BORCS5: variants seen among roughly 807,000 people sequenced by gnomAD.
The protein encoded by BORCS5 is BLOC-1-related complex subunit 5.
In BORCS5, 17 loss-of-function variants were observed where a neutral mutation model predicts 22.1. That is an observed-to-expected ratio of 0.77 (90% confidence interval 0.53 to 1.15). BORCS5 has a LOEUF of 1.15. BORCS5 is among the 50% of genes most tolerant of loss of function. The pLI is 0.00. For synonymous variants in BORCS5, 117 were observed against 99.8 expected, an observed-to-expected ratio of 1.17 and a Z score of -1.03; for missense variants, 247 against 253.2, an observed-to-expected ratio of 0.98 and a Z score of 0.17.
At chr12:12,430,837 A>G (rs902602739) in intron 2 of BORCS5, among the ~76,000 whole-genome samples, 17 of 152,270 alleles carry the variant, frequency 1.1e-4, no homozygotes, top group African/African-American at 2.6e-4. Flanking sequence ...AGCACACTCT[A>G]TGCATCTATA....
rs1381807384 is a variant in BORCS5 at position 12,439,604 on chromosome 12, G to C, written c.360+3819G>C. Among the ~76,000 whole-genome samples the C allele has an allele frequency of 4.6e-5, 7 of 152,352 alleles. No individual in the cohort carries two copies. The East Asian group carries it at 1.2e-3, about 25-fold the overall frequency. On this transcript the variant is annotated intron_variant, in intron 3 of 3. Transcript: ENST00000314565. The stretch of plus-strand genomic sequence containing the variant: ...GATCTCCACTCCAGTCTGGGCTACA[G>C]AGCAAGACCCTGTCTCAAAAAATAA...
chr12:12,423,245 A>C (rs1207642599), intron 2 of BORCS5, among the ~76,000 whole-genome samples: 1 of 151,740 alleles, frequency 6.6e-6, no homozygotes, highest in African/African-American at 2.4e-5. Flanking sequence ...CTCGTGATCC[A>C]CCCTCCTTGG....
chr12:12,442,692 G>A (rs970016234), intron 3 of BORCS5, among the ~76,000 whole-genome samples: 1 of 152,170 alleles, frequency 6.6e-6, no homozygotes, highest in South Asian at 2.1e-4. Flanking sequence ...ATTAGATAAT[G>A]ACTAAGATGG....
At position 12,358,302 on chromosome 12, in the gene BORCS5, A is replaced by C. The variant is rs555457424; in HGVS notation, c.58+793A>C. Among the ~76,000 whole-genome samples, 62 of 152,328 alleles carry C rather than the reference A, an allele frequency of 4.1e-4. 2 individuals are homozygous for C. The highest frequency in any genetic ancestry group is 3.4e-3 in the Admixed American group (52 of 15,300). On this transcript the variant is annotated intron_variant, in intron 1 of 3. Transcript: ENST00000314565. The stretch of plus-strand genomic sequence containing the variant: ...CCTAAAAAGAGTCGCCGATTTTAGA[A>C]GTTCTCTGTTCTTGATAGGAGCTGT...
chr12:12,460,778 T>G (rs1213601350), intron 3 of BORCS5, among the ~76,000 whole-genome samples: 1 of 152,234 alleles, frequency 6.6e-6, no homozygotes, highest in Non-Finnish European at 1.5e-5. Context: ...AAATGGCAAG[T>G]TACTTTGATT....
chr12:12,452,613 T>C, intron 3 of BORCS5: 3 of 323,808 alleles, frequency 9.3e-6, no homozygotes, highest in South Asian at 7.7e-5. Flanking sequence ...AGTTTATTCT[T>C]ACAGGCTGCC....
chr12:12,370,707 G>A (rs1863506606), intron 2 of BORCS5, among the ~76,000 whole-genome samples: 1 of 151,632 alleles, frequency 6.6e-6, no homozygotes, highest in Admixed American at 6.6e-5. Context: ...ATCTCAAAAT[G>A]TTCCAAAATT....
intron 2 of BORCS5, among the ~76,000 whole-genome samples, chr12:12,429,334 T>G (rs1942364100): frequency 6.6e-6 from 1 of 152,208 alleles, no homozygotes; most frequent in Non-Finnish European, 1.5e-5. Flanking sequence ...AAACATTGTG[T>G]TCAATGCCTC....
chr12:12,462,326 C>T, intron 3 of BORCS5, among the ~76,000 whole-genome samples: 1 of 152,204 alleles, frequency 6.6e-6, no homozygotes, highest in East Asian at 1.9e-4. Flanking sequence ...TATTTTCATT[C>T]ATTTATTCAA....
chr12:12,388,870 C>CACTTTGGTTAGACA (rs1592076485), intron 2 of BORCS5, among the ~76,000 whole-genome samples: 1 of 150,410 alleles, frequency 6.6e-6, no homozygotes, highest in East Asian at 1.9e-4. Context: ...GAGCATAACT[C>CACTTTGGTTAGACA]CCTAAGCCAT....
intron 2 of BORCS5, among the ~76,000 whole-genome samples, chr12:12,430,386 C>T (rs1215939281): frequency 2.6e-5 from 4 of 152,122 alleles, no homozygotes; most frequent in Middle Eastern, 3.4e-3. Flanking sequence ...CTCCTGACCT[C>T]GTGATTCGCC....
intron 2 of BORCS5, among the ~76,000 whole-genome samples, chr12:12,367,847 C>T (rs1344816856): frequency 6.6e-6 from 1 of 152,200 alleles, no homozygotes; most frequent in Non-Finnish European, 1.5e-5. Flanking sequence ...GGACTTTGCT[C>T]CTGTCCTTTT....
At chr12:12,434,982 C>T (rs1942523644) in intron 2 of BORCS5, among the ~76,000 whole-genome samples, 1 of 152,116 alleles carries the variant, frequency 6.6e-6, no homozygotes, top group Non-Finnish European at 1.5e-5. Flanking sequence ...ATTAATTGCC[C>T]TGCTACATAC....
chr12:12,464,711 A>G (rs999434089), intron 3 of BORCS5, among the ~76,000 whole-genome samples: 11 of 152,094 alleles, frequency 7.2e-5, no homozygotes, highest in Non-Finnish European at 1.6e-4. Flanking sequence ...GGTACTAAAG[A>G]GCCTCTGTAA....
intron 2 of BORCS5, among the ~76,000 whole-genome samples, chr12:12,414,919 G>A (rs1255465270): frequency 6.2e-5 from 9 of 145,440 alleles, no homozygotes; most frequent in Admixed American, 2.0e-4. Context: ...CAGGGCGGCG[G>A]GGCAGAGGTG....
intron 2 of BORCS5, among the ~76,000 whole-genome samples, chr12:12,371,812 C>T (rs978643537): frequency 6.6e-6 from 1 of 152,070 alleles, no homozygotes; most frequent in Non-Finnish European, 1.5e-5. Context: ...TATTTTTAGT[C>T]TTTTCCTTTC....
At chr12:12,360,458 C>T (rs1028999573) in intron 1 of BORCS5, among the ~76,000 whole-genome samples, 2 of 151,966 alleles carry the variant, frequency 1.3e-5, no homozygotes, top group African/African-American at 4.8e-5. Context: ...GTGGTGTGAT[C>T]ATGGCTCACT....
intron 3 of BORCS5, among the ~76,000 whole-genome samples, chr12:12,444,632 A>G (rs561818890): frequency 6.6e-6 from 1 of 152,172 alleles, no homozygotes; most frequent in Non-Finnish European, 1.5e-5. Context: ...TAGATTCCTA[A>G]AATGCATCTG....
chr12:12,398,652 C>T (rs1941403263), intron 2 of BORCS5, among the ~76,000 whole-genome samples: 1 of 152,140 alleles, frequency 6.6e-6, no homozygotes, highest in Non-Finnish European at 1.5e-5. Flanking sequence ...CTCTGGAATA[C>T]AGTGCTATCA....
Sources: gnomAD v4.1 joint callset for allele counts (sites outside exome capture counted in the v4.1 genomes callset) on GRCh38, gnomAD v4.1.1 for gene constraint, MANE v1.5 for transcripts, NCBI Gene and HGNC (gene_info 2026-07-23, HGNC 2026-07-21) for gene names.